Variants in ANKS1A observed in about 807,000 individuals in gnomAD.
ANKS1A encodes the protein ankyrin repeat and SAM domain-containing protein 1A.
A neutral mutation model predicts 120.3 loss-of-function variants in ANKS1A; 55 were observed. The ratio of observed to expected loss-of-function variants is 0.46; its 90% CI spans 0.37 to 0.57. ANKS1A has a LOEUF of 0.57. Ranked by LOEUF, ANKS1A falls within the 20% of genes least tolerant of loss-of-function variation. The pLI is 0.00. For synonymous variants in ANKS1A, 590 were observed against 604.7 expected (o/e 0.98, Z 0.36); for missense variants, 1,123 against 1,480.3 (o/e 0.76, Z 3.96).
At chr6:35,040,699 G>A (rs1775413181) in intron 11 of ANKS1A, among the ~76,000 whole-genome samples, 1 of 152,212 alleles carries the variant, frequency 6.6e-6, no homozygotes, top group Non-Finnish European at 1.5e-5. Flanking sequence ...TATTACTCAA[G>A]CATCTGATTC....
At chr6:34,950,222 CT>C (rs747865614) in intron 1 of ANKS1A, among the ~76,000 whole-genome samples, 9,554 of 97,526 alleles carry the variant, frequency 0.098, 316 homozygotes, top group African/African-American at 0.2. Context: ...TCTTTTCTCT[CT>C]TTTTTTTTTT....
At chr6:34,967,386 A>C (rs1015555950) in intron 2 of ANKS1A, 67 bp downstream of exon 2, 123 of 1,530,322 alleles carry the variant, frequency 8.0e-5, no homozygotes, top group Non-Finnish European at 1.0e-4. Context: ...TTGCCTTTTC[A>C]TTTCCTAGAA....
intron 1 of ANKS1A, among the ~76,000 whole-genome samples, chr6:34,895,242 C>G (rs1195421475): frequency 6.9e-6 from 1 of 145,124 alleles, no homozygotes; most frequent in Non-Finnish European, 1.5e-5. Context: ...AGACAGGAGT[C>G]TTGCTAATGT....
intron 9 of ANKS1A, among the ~76,000 whole-genome samples, chr6:34,990,996 T>C (rs13191009): frequency 6.6e-6 from 1 of 151,906 alleles, no homozygotes; most frequent in Non-Finnish European, 1.5e-5. Context: ...TGTACTATTA[T>C]GTATATTTTT....
Position 35,082,579 on chromosome 6 carries a change from G to A in ANKS1A, c.2710-112G>A. On this transcript the variant is annotated intron_variant, in intron 17 of 23. Coordinates refer to ENST00000360359, the MANE Select transcript of ANKS1A (RefSeq NM_015245.3). This position sits in a 1 kb window ranked among gnomAD's most constrained non-coding sequence, Gnocchi z 4.1. ...CCCCTGCCATCTCCACTCGACCCTT[G>A]AACTTGCTAAGGTCACTGGCATCTT... 2 of 1,405,630 alleles carry A rather than the reference G, an allele frequency of 1.4e-6. No individual in the cohort carries two copies. The highest frequency in any genetic ancestry group is 1.9e-6 in the Non-Finnish European group (2 of 1,057,714). The allele number at this position is 1,405,630 out of a possible 1,614,324, so 87.1% of individuals were successfully genotyped here.
intron 1 of ANKS1A, among the ~76,000 whole-genome samples, chr6:34,892,868 A>G (rs1341306087): frequency 1.3e-5 from 2 of 152,246 alleles, no homozygotes; most frequent in Non-Finnish European, 2.9e-5. Flanking sequence ...TGAGAATCAG[A>G]AAGTCAGCAA....
chr6:35,091,053 G>GTCTT lies in ANKS1A; in HGVS notation c.*2446_*2449dup. ...TAGAAAACCAGTCTGAATTGGGTCT[G>GTCTT]TCTTTGAGATGCCCAGGCCAGCAGA... On this transcript the variant is annotated 3_prime_UTR_variant, in exon 24 of 24. Coordinates refer to ENST00000360359, the MANE Select transcript of ANKS1A (RefSeq NM_015245.3). 1.0e-6 allele frequency: 1 copy of GTCTT among 985,942 alleles called. No individual in the cohort carries two copies. The highest frequency in any genetic ancestry group is 1.2e-6 in the Non-Finnish European group (1 of 829,968). 61.1% of individuals were successfully genotyped at this position (985,942 alleles called of 1,614,324 possible). A position where few individuals can be genotyped will look rare whatever the true frequency, so the allele number is the denominator to read the frequency against.
chr6:35,026,920 G>T (rs1774655599), intron 11 of ANKS1A, among the ~76,000 whole-genome samples: 1 of 152,044 alleles, frequency 6.6e-6, no homozygotes, highest in Non-Finnish European at 1.5e-5. Flanking sequence ...TTTTTAAAAA[G>T]CTATTGAACT....
chr6:34,955,528 C>A (rs1770318412), intron 1 of ANKS1A, among the ~76,000 whole-genome samples: 1 of 152,328 alleles, frequency 6.6e-6, no homozygotes, highest in South Asian at 2.1e-4. Flanking sequence ...TAGGCAGATA[C>A]ATCAGTTGAT....
intron 1 of ANKS1A, among the ~76,000 whole-genome samples, chr6:34,962,512 G>A (rs560872782): frequency 6.6e-6 from 1 of 152,254 alleles, no homozygotes; most frequent in East Asian, 1.9e-4. Context: ...TCTTGGCCAG[G>A]CGCTGTGGCT....
chr6:34,956,099 T>C (rs1466632699), intron 1 of ANKS1A, among the ~76,000 whole-genome samples: 4 of 151,894 alleles, frequency 2.6e-5, no homozygotes, highest in Non-Finnish European at 5.9e-5. Context: ...ATTTTATCTT[T>C]CCTATTTCCA....
intron 11 of ANKS1A, among the ~76,000 whole-genome samples, chr6:35,042,398 C>T (rs1775505017): frequency 6.6e-6 from 1 of 152,130 alleles, no homozygotes; most frequent in Non-Finnish European, 1.5e-5. Context: ...TAAACAAATC[C>T]CTCCCTAAGA....
At chr6:34,893,294 G>A (rs1217000641) in intron 1 of ANKS1A, among the ~76,000 whole-genome samples, 1 of 152,082 alleles carries the variant, frequency 6.6e-6, no homozygotes, top group Admixed American at 6.6e-5. Flanking sequence ...TACCATGCCA[G>A]ACACATTATT....
In ANKS1A at chr6:34,985,121, T is replaced by G; in HGVS notation, c.1052T>G (p.Phe351Cys). The G allele has an allele frequency of 6.2e-7, 1 of 1,614,102 alleles. No individual in the cohort carries two copies. The highest frequency in any genetic ancestry group is 1.1e-5 in the South Asian group (1 of 91,078). The change falls in exon 8 of 24, where the codon TTT becomes TGT. Residue 351 changes from phenylalanine (F) to cysteine (C), a missense_variant. Phe to Cys is a radical substitution (Grantham distance 205). Around this residue, in one of 3 missense-constraint regions of ANKS1A, gnomAD observed 904 missense variants for 1,130.4 expected, o/e 0.80. Transcript: ENST00000360359. ...GCAGTGACTGAACTGATTATAGATTTTGATGCAAATGCTGAAGAAGAGGGT... is the reference window on the plus strand; with the variant it reads ...GCAGTGACTGAACTGATTATAGATTGTGATGCAAATGCTGAAGAAGAGGGT... ...EKAVTELIID[F>C]DANAEEEGPY... is the part of the protein sequence containing the mutation.
chr6:35,008,024 T>G (rs1230819339), intron 10 of ANKS1A, among the ~76,000 whole-genome samples: 1 of 152,200 alleles, frequency 6.6e-6, no homozygotes, highest in Non-Finnish European at 1.5e-5. Flanking sequence ...CTTTTACTGT[T>G]GGTTTAATGA....
chr6:34,939,147 G>C (rs1769407074), intron 1 of ANKS1A, among the ~76,000 whole-genome samples: 3 of 152,176 alleles, frequency 2.0e-5, no homozygotes, highest in South Asian at 2.1e-4. Context: ...AGGTTCTTTT[G>C]GAGGTAGCAT....
chr6:34,967,174 C>A, intron 1 of ANKS1A, 65 bp from the exon 2 acceptor site: 1 of 1,531,666 alleles, frequency 6.5e-7, no homozygotes, highest in Non-Finnish European at 9.0e-7. Flanking sequence ...CTAGCTATCT[C>A]TAACTTTGGT....
chr6:35,084,315 C>A lies in ANKS1A; in HGVS notation c.3132+57C>A. 1 of 1,597,262 alleles carries A rather than the reference C, an allele frequency of 6.3e-7. No individual in the cohort carries two copies. On this transcript the variant is annotated intron_variant, in intron 21 of 23. Transcript: ENST00000360359. The surrounding 1 kb of genome is among the most constrained non-coding windows in gnomAD (Gnocchi z 4.8). The stretch of plus-strand genomic sequence containing the variant: ...GCTTGGGTTGCAGCCCTGAGGCGTC[C>A]AGCCCCATTGCAGGGCACAGATGCG...
chr6:35,074,277 G>A (rs1222877519), intron 13 of ANKS1A, among the ~76,000 whole-genome samples: 5 of 152,322 alleles, frequency 3.3e-5, no homozygotes, highest in South Asian at 4.1e-4. Context: ...TCAGCCGTTC[G>A]CTTTGGTATC....
Sources: gnomAD v4.1 joint callset for allele counts (sites outside exome capture counted in the v4.1 genomes callset) on GRCh38, gnomAD v4.1.1 for gene constraint, gnomAD v4.1.1 regional missense constraint, Gnocchi (gnomAD v3.1) non-coding constraint, MANE v1.5 for transcripts, NCBI Gene and HGNC (gene_info 2026-07-23, HGNC 2026-07-21) for gene names.